Variants in ADCY1 observed in about 807,000 individuals in gnomAD.
ADCY1 encodes adenylate cyclase 1.
Under a neutral mutation model 105.4 loss-of-function variants are expected in ADCY1, and 28 were observed. The ratio of observed to expected loss-of-function variants is 0.27; its 90% CI spans 0.20 to 0.36. The LOEUF (loss-of-function observed/expected upper bound fraction) is 0.36. ADCY1 is among the 10% of genes least tolerant of loss of function. The pLI, the probability that ADCY1 is intolerant of heterozygous loss-of-function variation, is 1.00. For synonymous variants in ADCY1, 655 were observed against 623.8 expected, an observed-to-expected ratio of 1.05 and a Z score of -0.75; for missense variants, 977 against 1,434.2, an observed-to-expected ratio of 0.68 and a Z score of 5.15.
chr7:45,575,164 C>G lies in ADCY1; in HGVS notation c.621C>G (p.Arg207=), dbSNP rs1421684552. The change falls in exon 1 of 20, where the codon CGC becomes CGG. Residue 207 remains arginine (R), a synonymous_variant. Transcript: ENST00000297323. The surrounding 1 kb of genome is among the most constrained non-coding windows in gnomAD (Gnocchi z 4.7). ...CAGCCACCTTGGTCCCCGCCAAGCGCCCACGTCTCTGGAGGACGGTAAGTG... is the reference window on the plus strand; with the variant it reads ...CAGCCACCTTGGTCCCCGCCAAGCGGCCACGTCTCTGGAGGACGGTAAGTG... ...LVTATLVPAK[R]PRLWRTLGAN... The G allele has an allele frequency of 1.2e-6, 2 of 1,605,896 alleles. No homozygotes were observed. The highest frequency in any genetic ancestry group is 4.5e-5 in the East Asian group (2 of 44,728).
chr7:45,597,025 C>T (rs1055288336), intron 2 of ADCY1, among the ~76,000 whole-genome samples: 6 of 152,176 alleles, frequency 3.9e-5, no homozygotes, highest in Admixed American at 6.5e-5. Context: ...GCATTGTGCT[C>T]AGTTCACAAA....
intron 1 of ADCY1, among the ~76,000 whole-genome samples, chr7:45,584,542 C>T (rs1448427961): frequency 6.6e-6 from 1 of 152,240 alleles, no homozygotes; most frequent in Non-Finnish European, 1.5e-5. Flanking sequence ...CTGGCTCTTG[C>T]CCACTAGCCC....
chr7:45,605,397 T>G (rs962544452), intron 2 of ADCY1, among the ~76,000 whole-genome samples: 7 of 152,222 alleles, frequency 4.6e-5, no homozygotes, highest in Middle Eastern at 3.2e-3. Context: ...CCAACATCCT[T>G]GCCTTGTTCC....
At chr7:45,639,925 T>C (rs1452774964) in intron 4 of ADCY1, among the ~76,000 whole-genome samples, 1 of 152,160 alleles carries the variant, frequency 6.6e-6, no homozygotes, top group Non-Finnish European at 1.5e-5. Flanking sequence ...ACCCCAAACA[T>C]GGACACATCA....
At chr7:45,682,465 C>T (rs971464492) in intron 11 of ADCY1, among the ~76,000 whole-genome samples, 5 of 152,002 alleles carry the variant, frequency 3.3e-5, no homozygotes, top group African/African-American at 9.7e-5. Context: ...GGCTGGACCC[C>T]GGGGTGCTGC....
At chr7:45,625,796 C>T (rs965610936) in intron 4 of ADCY1, among the ~76,000 whole-genome samples, 4 of 152,226 alleles carry the variant, frequency 2.6e-5, no homozygotes, top group East Asian at 1.9e-4. Flanking sequence ...GCACAGAACA[C>T]AGTCACCTCA....
chr7:45,675,502 T>G (rs1342378025), intron 8 of ADCY1, among the ~76,000 whole-genome samples: 1 of 152,140 alleles, frequency 6.6e-6, no homozygotes, highest in Non-Finnish European at 1.5e-5. Flanking sequence ...ATTCCTTCTT[T>G]TACTATTTTC....
In ADCY1 at chr7:45,685,030, A is replaced by G. The variant is rs766107019; in HGVS notation, c.2035A>G (p.Ile679Val). Residue 679 changes from isoleucine to valine, a missense_variant, in exon 12 of 20, where the codon ATA becomes GTA. Physicochemically the swap from Ile to Val is conservative, Grantham distance 29 (BLOSUM62 3). This residue lies in a region of ADCY1 where 275 missense variants were observed against 362.1 expected (regional missense o/e 0.76). Transcript: ENST00000297323. Reference sequence around the variant, plus strand: ...GATTCGCACTGTCCTGTGTATTTTCATAGTGGTCTTAATCTACTCAGTAGC... The same window carrying G: ...GATTCGCACTGTCCTGTGTATTTTCGTAGTGGTCTTAATCTACTCAGTAGC... ...IQIRTVLCIF[I>V]VVLIYSVAQG... 1.2e-6 allele frequency: 2 copies of G among 1,614,188 alleles called. No homozygotes were observed. Among genetic ancestry groups the G allele is most frequent in the South Asian group, 1.1e-5 (1 of 91,084 alleles).
chr7:45,682,978 G>GAAAT (rs1404439841), intron 11 of ADCY1, among the ~76,000 whole-genome samples: 1 of 152,148 alleles, frequency 6.6e-6, no homozygotes, highest in Non-Finnish European at 1.5e-5. Flanking sequence ...AGACGGTCAG[G>GAAAT]AAATGGTGCC....
At position 45,720,542 on chromosome 7, in the gene ADCY1, T is replaced by G. The variant is rs1353974451; in HGVS notation, c.*6547T>G. On this transcript the variant is annotated 3_prime_UTR_variant, in exon 20 of 20. Coordinates refer to ENST00000297323, the MANE Select transcript of ADCY1 (RefSeq NM_021116.4). ...AAAAAAAAAAAAAGAAAGAAAGAAA[T>G]CAGAAAATCGACCACAGTGGTAGCC... 1.3e-5 allele frequency: 2 copies of G among 149,410 alleles called. No homozygotes were observed. The highest frequency in any genetic ancestry group is 6.7e-5 in the Admixed American group (1 of 14,988). The allele number at this position is 149,410 out of a possible 1,614,324, so 9.3% of individuals were successfully genotyped here. A position where few individuals can be genotyped will look rare whatever the true frequency, so the allele number is the denominator to read the frequency against.
intron 4 of ADCY1, among the ~76,000 whole-genome samples, chr7:45,644,453 G>C (rs1026338878): frequency 6.6e-6 from 1 of 152,246 alleles, no homozygotes; most frequent in African/African-American, 2.4e-5. Flanking sequence ...GGCCCAGACT[G>C]TCTGCAAGCT....
chr7:45,671,820 A>G (rs1784373234), intron 8 of ADCY1, among the ~76,000 whole-genome samples: 1 of 152,034 alleles, frequency 6.6e-6, no homozygotes, highest in African/African-American at 2.4e-5. Context: ...TTCATGGTAT[A>G]TTCTAGAAAC....
In ADCY1 at chr7:45,686,606, G is replaced by C; in HGVS notation, c.2387G>C (p.Cys796Ser). Residue 796 changes from cysteine (C) to serine (S), a missense_variant, in exon 14 of 20, where the codon TGT becomes TCT. Transcript: ENST00000297323. This position sits in a 1 kb window ranked among gnomAD's most constrained non-coding sequence, Gnocchi z 4.3. ...ATTGTGGCCATCCTGCTCTTCTCCT[G>C]TGCGCTGGCCCTGCATGCCAGGCAG... ...EPIVAILLFSCALALHARQVD... is the reference protein window; with the variant it reads ...EPIVAILLFSSALALHARQVD... The C allele has an allele frequency of 4.3e-6, 7 of 1,613,732 alleles. No homozygotes were observed. Among genetic ancestry groups the C allele is most frequent in the Non-Finnish European group, 5.9e-6 (7 of 1,179,718 alleles).
chr7:45,690,844 C>A (rs1395580041), intron 14 of ADCY1, among the ~76,000 whole-genome samples: 1 of 152,232 alleles, frequency 6.6e-6, no homozygotes, highest in Non-Finnish European at 1.5e-5. Flanking sequence ...TATGTTGACC[C>A]AGCCATCAGC....
intron 16 of ADCY1, 52 bp from the exon 17 acceptor site, chr7:45,704,466 G>A (rs1785070309): frequency 7.1e-6 from 11 of 1,550,888 alleles, no homozygotes; most frequent in Non-Finnish European, 8.9e-6. Context: ...CGGCTGCAGC[G>A]ACTTTTCTCA....
chr7:45,690,770 A>G (rs946025135), intron 14 of ADCY1, among the ~76,000 whole-genome samples: 3 of 152,234 alleles, frequency 2.0e-5, no homozygotes, highest in Non-Finnish European at 4.4e-5. Flanking sequence ...TGTGTTGCTG[A>G]ACTTGGTCTT....
At chr7:45,702,794 T>A (rs1190471788) in intron 14 of ADCY1, among the ~76,000 whole-genome samples, 1 of 152,252 alleles carries the variant, frequency 6.6e-6, no homozygotes, top group Non-Finnish European at 1.5e-5. Context: ...GGGTCTTTAC[T>A]CTTTGCCCCA....
At position 45,678,048 on chromosome 7, in the gene ADCY1, C is replaced by G. The variant is rs747756051; in HGVS notation, c.1785C>G (p.Val595=). ...LNFFTLKYKH[V]EREQKYHQLQ... ...TCTTTACCCTGAAGTACAAACATGT[C>G]GAACGGGAGCAAAAGGTAAGCAACT... Residue 595 remains valine (V), a synonymous_variant, in exon 9 of 20, where the codon GTC becomes GTG. Coordinates refer to ENST00000297323, the MANE Select transcript of ADCY1 (RefSeq NM_021116.4). 1.2e-6 allele frequency: 2 copies of G among 1,613,924 alleles called. No individual in the cohort carries two copies. Among genetic ancestry groups the G allele is most frequent in the African/African-American group, 2.7e-5 (2 of 74,904 alleles).
intron 11 of ADCY1, chr7:45,684,392 A>G (rs550934967): frequency 6.6e-6 from 1 of 152,244 alleles, no homozygotes; most frequent in Non-Finnish European, 1.5e-5. Flanking sequence ...CGGGGACTCT[A>G]GCAGGGTGAG....
Sources: gnomAD v4.1 joint callset for allele counts (sites outside exome capture counted in the v4.1 genomes callset) on GRCh38, gnomAD v4.1.1 for gene constraint, gnomAD v4.1.1 regional missense constraint, Gnocchi (gnomAD v3.1) non-coding constraint, MANE v1.5 for transcripts, NCBI Gene and HGNC (gene_info 2026-07-23, HGNC 2026-07-21) for gene names.